NAP1L4: variants seen among roughly 807,000 people sequenced by gnomAD.
NAP1L4 encodes the protein nucleosome assembly protein 1 like 4.
NAP1L4 carries 15 observed loss-of-function variants against 58.2 expected under a neutral mutation model. The observed-to-expected ratio is 0.26, with a 90% CI of 0.17 to 0.40. The LOEUF is 0.40. NAP1L4 is among the 10% of genes least tolerant of loss of function. The probability of loss-of-function intolerance (pLI) is 1.00; values close to 1 mark genes in which losing one functional copy is unlikely to be tolerated. For synonymous variants in NAP1L4, 171 were observed against 155.6 expected (o/e 1.10, Z -0.74); for missense variants, 384 against 451.1 (o/e 0.85, Z 1.35).
intron 7 of NAP1L4, 49 bp from the exon 8 acceptor site, chr11:2,964,800 A>C: frequency 7.3e-7 from 1 of 1,379,096 alleles, no homozygotes; most frequent in Non-Finnish European, 1.0e-6. Context: ...AAAAAACAAC[A>C]CATCTCTCCC....
intron 1 of NAP1L4, chr11:2,991,032 A>C: frequency 2.2e-6 from 1 of 450,996 alleles, no homozygotes; most frequent in South Asian, 1.6e-5. Context: ...TACAGGAAAA[A>C]GTAATGCAGA....
Position 2,979,233 on chromosome 11 carries a change from A to G in NAP1L4, c.-13T>C. On this transcript the variant is annotated 5_prime_UTR_variant, in exon 2 of 16. Transcript: ENST00000380542. ...TGTGATCTGCCATCTGAATGTTTTT[A>G]TCCCCTATAAATTAAAAAGAGTTGT... is the stretch of plus-strand genomic sequence containing the variant. 6.2e-7 allele frequency: 1 copy of G among 1,609,216 alleles called. No homozygotes were observed. Among genetic ancestry groups the G allele is most frequent in the Non-Finnish European group, 8.5e-7 (1 of 1,177,292 alleles).
At chr11:2,984,304 G>A in intron 1 of NAP1L4, among the ~76,000 whole-genome samples, 1 of 152,146 alleles carries the variant, frequency 6.6e-6, no homozygotes, top group Non-Finnish European at 1.5e-5. Flanking sequence ...CAGGTGTGGT[G>A]GCTCCCACCT....
At chr11:2,986,874 C>T (rs1410507340) in intron 1 of NAP1L4, among the ~76,000 whole-genome samples, 6 of 151,466 alleles carry the variant, frequency 4.0e-5, no homozygotes, top group Admixed American at 4.0e-4. Context: ...GGTGATCCAC[C>T]TGCCTCAACC....
At chr11:2,979,498 C>T (rs1383601205) in intron 1 of NAP1L4, among the ~76,000 whole-genome samples, 1 of 152,084 alleles carries the variant, frequency 6.6e-6, no homozygotes, top group Non-Finnish European at 1.5e-5. Flanking sequence ...CTCGGCCTGG[C>T]GCGGTGGTTC....
rs1481131006 is a variant in NAP1L4 at position 2,968,982 on chromosome 11, T to G, written c.534+821A>C. 9.1e-5 allele frequency among the ~76,000 whole-genome samples: 13 copies of G among 142,938 alleles called. No homozygotes were observed. In the East Asian group the frequency reaches 3.3e-3, roughly 36 times the overall value. The allele number at this position is 142,938 out of a possible 152,430, so 93.8% of individuals were successfully genotyped here. ...AGAAATGGTGGTTGGGTTTTGTTGTTGTGTTGTTTTTTTTTTTTTTTTTTT... is the reference window on the plus strand; with the variant it reads ...AGAAATGGTGGTTGGGTTTTGTTGTGGTGTTGTTTTTTTTTTTTTTTTTTT... On this transcript the variant is annotated intron_variant, in intron 7 of 15. Coordinates refer to ENST00000380542, the MANE Select transcript of NAP1L4 (RefSeq NM_005969.4).
At chr11:2,952,632 A>C (rs1846295461) in intron 12 of NAP1L4, 2 of 152,294 alleles carry the variant, frequency 1.3e-5, no homozygotes, top group Admixed American at 1.3e-4. Context: ...CGCAGCAGCC[A>C]GGATGAGATG....
In NAP1L4 at chr11:2,953,309, C is replaced by G. The variant is rs181266748; in HGVS notation, c.1035+1218G>C. Among the ~76,000 whole-genome samples the G allele has an allele frequency of 2.0e-5, 3 of 152,342 alleles. No homozygotes were observed. In the East Asian group the frequency reaches 5.8e-4, roughly 29 times the overall value. ...TGCATATTCAAGTCCTTTAAACTGA[C>G]GGGTGTATGATCAAAACAGTTTCAG... On this transcript the variant is annotated intron_variant, in intron 12 of 15. Transcript: ENST00000380542.
intron 1 of NAP1L4, among the ~76,000 whole-genome samples, chr11:2,980,152 C>T (rs927298387): frequency 6.6e-6 from 1 of 152,124 alleles, no homozygotes; most frequent in Non-Finnish European, 1.5e-5. Flanking sequence ...AGGGCATTTA[C>T]TTCTTAAATA....
intron 7 of NAP1L4, among the ~76,000 whole-genome samples, chr11:2,969,177 G>T (rs572120637): frequency 6.6e-6 from 1 of 151,866 alleles, no homozygotes; most frequent in Non-Finnish European, 1.5e-5. Context: ...TTTTTGTAGA[G>T]ATGGGATTTC....
intron 8 of NAP1L4, among the ~76,000 whole-genome samples, chr11:2,960,678 G>A (rs1846839766): frequency 6.6e-6 from 1 of 152,146 alleles, no homozygotes; most frequent in Admixed American, 6.5e-5. Flanking sequence ...CAGATTTTAT[G>A]AAGGACAATT....
chr11:2,948,492 G>T lies in NAP1L4; in HGVS notation c.*32+735C>A, dbSNP rs1846054792. 6.6e-6 allele frequency among the ~76,000 whole-genome samples: 1 copy of T among 152,192 alleles called. No individual in the cohort carries two copies. Among genetic ancestry groups the T allele is most frequent in the Non-Finnish European group, 1.5e-5 (1 of 68,044 alleles). On this transcript the variant is annotated intron_variant, in intron 15 of 15. Coordinates refer to ENST00000380542, the MANE Select transcript of NAP1L4 (RefSeq NM_005969.4). This position sits in a 1 kb window ranked among gnomAD's most constrained non-coding sequence, Gnocchi z 5.1. Reference sequence around the variant, plus strand: ...CACGAGTGAACAGGTCTCGTCACGGGCAAGAGCCTCTGTCTACTTACGGCC... The same window carrying T: ...CACGAGTGAACAGGTCTCGTCACGGTCAAGAGCCTCTGTCTACTTACGGCC...
At chr11:2,991,542 C>T (rs1399439562) in intron 1 of NAP1L4, among the ~76,000 whole-genome samples, 2 of 152,068 alleles carry the variant, frequency 1.3e-5, no homozygotes, top group Admixed American at 1.3e-4. Flanking sequence ...CCGTGAGTAA[C>T]TAGTCTAAGG....
In NAP1L4 at chr11:2,988,178, A is replaced by T. The variant is rs934388901; in HGVS notation, c.-18+4076T>A. ...ATGATTTCCTTTCCTTAACCAAAAC[A>T]CTACATTTTACTTGGGGCGCAGCAG... is the stretch of plus-strand genomic sequence containing the variant. On this transcript the variant is annotated intron_variant, in intron 1 of 15. Coordinates refer to ENST00000380542, the MANE Select transcript of NAP1L4 (RefSeq NM_005969.4). The T allele has an allele frequency of 2.0e-5, 3 of 152,328 alleles. No homozygotes were observed. The East Asian group carries it at 5.8e-4, about 29-fold the overall frequency. The allele number at this position is 152,328 out of a possible 1,614,324, so 9.4% of individuals were successfully genotyped here. A position where few individuals can be genotyped will look rare whatever the true frequency, so the allele number is the denominator to read the frequency against.
intron 7 of NAP1L4, among the ~76,000 whole-genome samples, chr11:2,969,203 C>T (rs1590244954): frequency 6.6e-6 from 1 of 152,034 alleles, no homozygotes; most frequent in Admixed American, 6.5e-5. Context: ...GCTGCCCAGG[C>T]TGGTCTCAAA....
rs1368660919 is a variant in NAP1L4 at position 2,951,594 on chromosome 11, C to A, written c.1065+186G>T. ...CATGAACCAACTGCAGGGTCAAAAACGATGGAAACTGTCACAGCATTTGCT... is the reference window on the plus strand; with the variant it reads ...CATGAACCAACTGCAGGGTCAAAAAAGATGGAAACTGTCACAGCATTTGCT... On this transcript the variant is annotated intron_variant, in intron 13 of 15. Coordinates refer to ENST00000380542, the MANE Select transcript of NAP1L4 (RefSeq NM_005969.4). The surrounding 1 kb of genome is among the most constrained non-coding windows in gnomAD (Gnocchi z 4.0). Among the ~76,000 whole-genome samples the A allele has an allele frequency of 6.6e-6, 1 of 152,140 alleles. No homozygotes were observed.
At chr11:2,963,946 A>G in intron 8 of NAP1L4, 1 of 514,692 alleles carries the variant, frequency 1.9e-6, no homozygotes, top group Non-Finnish European at 3.9e-6. Flanking sequence ...TTTGAAGATG[A>G]GCATATGGTT....
At chr11:2,947,035 G>A (rs958839131) in intron 15 of NAP1L4, among the ~76,000 whole-genome samples, 1 of 152,190 alleles carries the variant, frequency 6.6e-6, no homozygotes, top group Non-Finnish European at 1.5e-5. Context: ...TGGTGACAAG[G>A]TGACAGACTC....
At chr11:2,960,073 T>TA (rs1242922839) in intron 8 of NAP1L4, 164 bp from the exon 9 acceptor site, 12 of 669,550 alleles carry the variant, frequency 1.8e-5, no homozygotes, top group Non-Finnish European at 3.0e-5. Flanking sequence ...AGCGTGAGGT[T>TA]AAAAAAACCA....
Sources: allele counts gnomAD v4.1 joint callset (sites outside exome capture counted in the v4.1 genomes callset), GRCh38; gene constraint gnomAD v4.1.1; non-coding constraint Gnocchi (gnomAD v3.1); transcripts MANE v1.5; gene names NCBI Gene and HGNC (gene_info 2026-07-23, HGNC 2026-07-21).